SEZ6L: variants seen among roughly 807,000 people sequenced by gnomAD.
SEZ6L encodes seizure related 6 homolog like, also known as seizure 6-like protein.
In SEZ6L, 37 loss-of-function variants were observed where a neutral mutation model predicts 106.2. The ratio of observed to expected loss-of-function variants is 0.35; its 90% CI spans 0.27 to 0.46. The LOEUF is 0.46. SEZ6L is among the 20% of genes least tolerant of loss of function. The probability of loss-of-function intolerance (pLI) is 1.00; values close to 1 mark genes in which losing one functional copy is unlikely to be tolerated. For synonymous variants in SEZ6L, 541 were observed against 570.4 expected (o/e 0.95, Z 0.73); for missense variants, 1,172 against 1,332.8 (o/e 0.88, Z 1.88).
chr22:26,373,100 G>A (rs1468905471), intron 13 of SEZ6L, among the ~76,000 whole-genome samples: 2 of 152,206 alleles, frequency 1.3e-5, no homozygotes, highest in Non-Finnish European at 2.9e-5. Flanking sequence ...TTGCTCATCT[G>A]TAAAATGGGG....
intron 9 of SEZ6L, among the ~76,000 whole-genome samples, chr22:26,335,025 T>C (rs1474359783): frequency 6.6e-6 from 1 of 152,202 alleles, no homozygotes; most frequent in East Asian, 1.9e-4. Context: ...AACCACACTC[T>C]GCCCTGTGGC....
At chr22:26,347,998 T>C (rs1305892457) in intron 11 of SEZ6L, 85 bp downstream of exon 11, 1 of 1,107,536 alleles carries the variant, frequency 9.0e-7, no homozygotes, top group African/African-American at 1.6e-5. Flanking sequence ...GCAGTGGAGC[T>C]GTTTAATGTA....
chr22:26,324,102 AAACAC>A (rs2082237299), intron 9 of SEZ6L, among the ~76,000 whole-genome samples: 4 of 141,036 alleles, frequency 2.8e-5, no homozygotes, highest in Non-Finnish European at 6.4e-5. Context: ...ACACACACAC[AAACAC>A]ACACACACAC....
chr22:26,269,451 C>T (rs186441253), intron 1 of SEZ6L, among the ~76,000 whole-genome samples: 1 of 152,238 alleles, frequency 6.6e-6, no homozygotes, highest in East Asian at 1.9e-4. Flanking sequence ...GAAGGTATTG[C>T]TAACACCACC....
intron 1 of SEZ6L, chr22:26,292,176 G>A (rs891465137): frequency 6.5e-6 from 3 of 464,072 alleles, no homozygotes; most frequent in Non-Finnish European, 1.1e-5. Flanking sequence ...AGGAAGGAAA[G>A]AAGGAAGGAG....
chr22:26,172,382 A>G (rs1938682996), intron 1 of SEZ6L, among the ~76,000 whole-genome samples: 1 of 152,188 alleles, frequency 6.6e-6, no homozygotes, highest in Non-Finnish European at 1.5e-5. Flanking sequence ...TGGCTCAGTT[A>G]GGTATTAAGA....
intron 1 of SEZ6L, among the ~76,000 whole-genome samples, chr22:26,254,802 G>A (rs930024343): frequency 1.5e-4 from 23 of 152,138 alleles, no homozygotes; most frequent in Non-Finnish European, 8.8e-5. Flanking sequence ...TTAATGAGGA[G>A]GGTCTAGAAT....
At chr22:26,196,899 G>A (rs925107550) in intron 1 of SEZ6L, among the ~76,000 whole-genome samples, 2 of 152,194 alleles carry the variant, frequency 1.3e-5, no homozygotes, top group African/African-American at 4.8e-5. Context: ...TACCTTTGCC[G>A]CAATAGGGAA....
intron 1 of SEZ6L, among the ~76,000 whole-genome samples, chr22:26,263,480 C>A (rs1365148973): frequency 6.6e-6 from 1 of 152,210 alleles, no homozygotes; most frequent in Non-Finnish European, 1.5e-5. Context: ...GTGGAAGATG[C>A]TGGATTTGAA....
intron 1 of SEZ6L, among the ~76,000 whole-genome samples, chr22:26,275,543 G>A (rs548592018): frequency 3.9e-5 from 6 of 152,180 alleles, no homozygotes; most frequent in Non-Finnish European, 8.8e-5. Context: ...CAGAGGGTAA[G>A]TTGAGGCCCA....
Position 26,318,335 on chromosome 22 carries a change from A to C in SEZ6L, c.2015+4433A>C, listed in dbSNP as rs148467969. Among the ~76,000 whole-genome samples, 265 of 152,104 alleles carry C rather than the reference A, an allele frequency of 1.7e-3. 1 individual carries two copies. Among genetic ancestry groups the C allele is most frequent in the African/African-American group, 5.8e-3 (242 of 41,442 alleles). On this transcript the variant is annotated intron_variant, in intron 9 of 16. Coordinates refer to ENST00000248933, the MANE Select transcript of SEZ6L (RefSeq NM_021115.5). Reference sequence around the variant, plus strand: ...GTGATCTGCCTGCCTCAGCCTCCCAAAGTGGTGGGATTACAGGTGTGAGCC... The same window carrying C: ...GTGATCTGCCTGCCTCAGCCTCCCACAGTGGTGGGATTACAGGTGTGAGCC...
intron 1 of SEZ6L, chr22:26,244,526 T>A (rs2079259749): frequency 6.6e-6 from 1 of 152,160 alleles, no homozygotes; most frequent in Non-Finnish European, 1.5e-5. Flanking sequence ...TTTTAAATAG[T>A]GTATCTAGGA....
chr22:26,263,308 C>T (rs1250255964), intron 1 of SEZ6L, among the ~76,000 whole-genome samples: 2 of 152,220 alleles, frequency 1.3e-5, no homozygotes, highest in African/African-American at 4.8e-5. Context: ...TAAAACAAGC[C>T]TTGCAGAAGT....
intron 12 of SEZ6L, among the ~76,000 whole-genome samples, chr22:26,361,573 A>C (rs2146047538): frequency 6.6e-6 from 1 of 151,816 alleles, no homozygotes; most frequent in Non-Finnish European, 1.5e-5. Context: ...TGGTATGAAA[A>C]TATGACAAGA....
chr22:26,239,115 T>C (rs2079036481), intron 1 of SEZ6L, among the ~76,000 whole-genome samples: 1 of 152,170 alleles, frequency 6.6e-6, no homozygotes, highest in Non-Finnish European at 1.5e-5. Context: ...TCCCAGCTAC[T>C]TGGGAGGCTG....
chr22:26,312,084 C>A (rs2081856471), intron 8 of SEZ6L, 122 bp downstream of exon 8: 2 of 975,242 alleles, frequency 2.1e-6, no homozygotes, highest in South Asian at 1.6e-5. Flanking sequence ...AGGATTAGAA[C>A]CCTTTCCAGG....
At chr22:26,286,332 G>A (rs2080932007) in intron 1 of SEZ6L, among the ~76,000 whole-genome samples, 1 of 152,176 alleles carries the variant, frequency 6.6e-6, no homozygotes, top group Admixed American at 6.5e-5. Context: ...GCTAGAGACA[G>A]CATCTTAAAA....
chr22:26,325,431 A>G (rs2082277593), intron 9 of SEZ6L, among the ~76,000 whole-genome samples: 1 of 152,244 alleles, frequency 6.6e-6, no homozygotes, highest in African/African-American at 2.4e-5. Flanking sequence ...GAGGAAACCG[A>G]GGCTCAGAGA....
chr22:26,204,049 T>C (rs1941148451), intron 1 of SEZ6L, among the ~76,000 whole-genome samples: 1 of 152,232 alleles, frequency 6.6e-6, no homozygotes, highest in Admixed American at 6.5e-5. Flanking sequence ...TTCTAGAACT[T>C]ACTCTGCAAT....
Sources: allele counts gnomAD v4.1 joint callset (sites outside exome capture counted in the v4.1 genomes callset), GRCh38; gene constraint gnomAD v4.1.1; transcripts MANE v1.5; gene names NCBI Gene and HGNC (gene_info 2026-07-23, HGNC 2026-07-21).